The following TTC27 variants were observed in gnomAD, a reference collection of about 807,000 sequenced individuals.
The protein encoded by TTC27 is tetratricopeptide repeat domain 27, also known as tetratricopeptide repeat protein 27.
In TTC27, 79 loss-of-function variants were observed where a neutral mutation model predicts 115.9. That is an observed-to-expected ratio of 0.68 (90% confidence interval 0.57 to 0.82). The LOEUF (loss-of-function observed/expected upper bound fraction) is 0.82, where lower values mean the gene tolerates loss of function less well. Ranked by LOEUF, TTC27 falls within the 40% of genes least tolerant of loss-of-function variation. The pLI, the probability that TTC27 is intolerant of heterozygous loss-of-function variation, is 0.00. For synonymous variants in TTC27, 401 were observed against 356.0 expected (o/e 1.13, Z -1.42); for missense variants, 1,054 against 993.1 (o/e 1.06, Z -0.82).
At chr2:32,781,799 T>C (rs2148016567) in intron 14 of TTC27, among the ~76,000 whole-genome samples, 1 of 152,302 alleles carries the variant, frequency 6.6e-6, no homozygotes, top group South Asian at 2.1e-4. Flanking sequence ...TTTAATGCCA[T>C]GGGCAATCAA....
Position 32,667,477 on chromosome 2 carries a change from C to T in TTC27, c.939+709C>T, listed in dbSNP as rs546480837. ...TATTGCCCAGGCTGGAGTGTAGTGG[C>T]GTAATCTCGGCTCAATGCATCCTCC... On this transcript the variant is annotated intron_variant, in intron 7 of 19. Transcript: ENST00000317907. Among the ~76,000 whole-genome samples the T allele has an allele frequency of 1.1e-4, 16 of 141,532 alleles. No individual in the cohort carries two copies. In the South Asian group the frequency reaches 2.5e-3, roughly 22 times the overall value. 92.9% of individuals were successfully genotyped at this position (141,532 alleles called of 152,430 possible). A position where few individuals can be genotyped will look rare whatever the true frequency, so the allele number is the denominator to read the frequency against.
At chr2:32,643,058 C>T (rs551941458) in intron 4 of TTC27, among the ~76,000 whole-genome samples, 2 of 152,286 alleles carry the variant, frequency 1.3e-5, no homozygotes, top group African/African-American at 2.4e-5. Context: ...CAATCTACGC[C>T]TCCCAGGTTC....
At chr2:32,752,982 G>C (rs1669068638) in intron 12 of TTC27, among the ~76,000 whole-genome samples, 1 of 152,164 alleles carries the variant, frequency 6.6e-6, no homozygotes, top group Non-Finnish European at 1.5e-5. Context: ...GCAATCATTT[G>C]TTTCCCTCTC....
chr2:32,651,816 A>G (rs1665137506), intron 5 of TTC27, among the ~76,000 whole-genome samples: 1 of 152,248 alleles, frequency 6.6e-6, no homozygotes, highest in South Asian at 2.1e-4. Context: ...AGATAAAATG[A>G]CCATCTATAC....
chr2:32,800,496 A>G (rs1434252230), intron 16 of TTC27, among the ~76,000 whole-genome samples: 1 of 145,340 alleles, frequency 6.9e-6, no homozygotes, highest in South Asian at 2.2e-4. Context: ...TTTTTATTTT[A>G]TTTTTATCAT....
chr2:32,678,007 A>G (rs542307842), intron 8 of TTC27, among the ~76,000 whole-genome samples: 1 of 152,306 alleles, frequency 6.6e-6, no homozygotes, highest in East Asian at 1.9e-4. Flanking sequence ...CTGTAATCCA[A>G]ACACATTGGG....
At chr2:32,653,859 G>T (rs1412656638) in intron 5 of TTC27, among the ~76,000 whole-genome samples, 1 of 152,128 alleles carries the variant, frequency 6.6e-6, no homozygotes, top group Non-Finnish European at 1.5e-5. Context: ...TTTCCAGGGA[G>T]AACCTCCTGA....
At chr2:32,740,359 TTAA>T (rs1668588489) in intron 12 of TTC27, among the ~76,000 whole-genome samples, 1 of 152,184 alleles carries the variant, frequency 6.6e-6, no homozygotes, top group Admixed American at 6.5e-5. Flanking sequence ...TCATGGACTC[TTAA>T]AAAGTTTTCC....
intron 9 of TTC27, among the ~76,000 whole-genome samples, chr2:32,680,496 T>C (rs546402172): frequency 6.6e-6 from 1 of 151,880 alleles, no homozygotes; most frequent in East Asian, 1.9e-4. Context: ...AAGAATGGGA[T>C]GGGCGCAGCT....
intron 18 of TTC27, among the ~76,000 whole-genome samples, chr2:32,814,766 G>A (rs533969588): frequency 1.3e-5 from 2 of 152,176 alleles, no homozygotes; most frequent in Non-Finnish European, 2.9e-5. Flanking sequence ...TAGCCTAGGA[G>A]TAGTAGGCTA....
intron 12 of TTC27, among the ~76,000 whole-genome samples, chr2:32,754,350 ACG>A (rs1669129515): frequency 6.7e-6 from 1 of 149,190 alleles, no homozygotes; most frequent in African/African-American, 2.5e-5. Flanking sequence ...ATGACTCTTA[ACG>A]AGCATGCTGC....
At chr2:32,686,300 T>A (rs1341280778) in intron 9 of TTC27, among the ~76,000 whole-genome samples, 1 of 144,216 alleles carries the variant, frequency 6.9e-6, no homozygotes, top group African/African-American at 2.8e-5. Context: ...CCCATAGGCA[T>A]TTTTTTTTTA....
chr2:32,697,588 TC>T (rs1398937472), intron 9 of TTC27, among the ~76,000 whole-genome samples: 20 of 152,210 alleles, frequency 1.3e-4, no homozygotes, highest in African/African-American at 4.8e-4. Context: ...GAACTTATTT[TC>T]CCTTCATTAC....
At position 32,817,564 on chromosome 2, in the gene TTC27, G is replaced by A. The variant is rs191116798; in HGVS notation, c.2409+7G>A. ...CTTGTTATCTAAAGCAAAGGTGAGA[G>A]TGACATGTGAATTAATTGGAATTGT... On this transcript the variant is annotated splice_region_variant and intron_variant, in intron 19 of 19. Coordinates refer to ENST00000317907, the MANE Select transcript of TTC27 (RefSeq NM_017735.5). 13 of 1,607,604 alleles carry A rather than the reference G, an allele frequency of 8.1e-6. No individual in the cohort carries two copies. In the East Asian group the frequency reaches 2.5e-4, roughly 30 times the overall value.
At chr2:32,702,973 A>G in intron 10 of TTC27, 53 bp downstream of exon 10, 3 of 1,228,886 alleles carry the variant, frequency 2.4e-6, no homozygotes, top group Non-Finnish European at 3.6e-6. Flanking sequence ...TATTGCTATC[A>G]GTAAGCATAC....
Position 32,650,080 on chromosome 2 carries a change from G to T in TTC27, c.538-51G>T, listed in dbSNP as rs533402118. 10 of 1,445,756 alleles carry T rather than the reference G, an allele frequency of 6.9e-6. No homozygotes were observed. The Admixed American group carries it at 1.4e-4, about 21-fold the overall frequency. 89.6% of individuals were successfully genotyped at this position (1,445,756 alleles called of 1,614,324 possible). ...CTAAAAATCTCAGTTAATGTAAAAA[G>T]AGTTTTCTAAAGTATCCTTTTATTT... On this transcript the variant is annotated intron_variant, in intron 4 of 19. Coordinates refer to ENST00000317907, the MANE Select transcript of TTC27 (RefSeq NM_017735.5).
At chr2:32,735,585 A>T (rs1275771238) in intron 11 of TTC27, among the ~76,000 whole-genome samples, 2 of 152,118 alleles carry the variant, frequency 1.3e-5, no homozygotes, top group Non-Finnish European at 2.9e-5. Context: ...CATCATGGGG[A>T]CTATCTTTGT....
At chr2:32,807,654 A>T (rs78378271) in intron 16 of TTC27, among the ~76,000 whole-genome samples, 7,105 of 152,198 alleles carry the variant, frequency 0.047, 221 homozygotes, top group East Asian at 0.11. Context: ...ATTTTTTGTG[A>T]TGTTAATAAT....
intron 16 of TTC27, among the ~76,000 whole-genome samples, chr2:32,798,915 T>C (rs558674904): frequency 5.9e-5 from 9 of 152,224 alleles, no homozygotes; most frequent in Non-Finnish European, 1.2e-4. Flanking sequence ...TAAAGCAGGA[T>C]CTCAAAGAGA....
Sources: gnomAD v4.1 joint callset for allele counts (sites outside exome capture counted in the v4.1 genomes callset) on GRCh38, gnomAD v4.1.1 for gene constraint, MANE v1.5 for transcripts, NCBI Gene and HGNC (gene_info 2026-07-23, HGNC 2026-07-21) for gene names.